The following NCOA2 variants were observed in gnomAD, a reference collection of about 807,000 sequenced individuals.
NCOA2 encodes the protein nuclear receptor coactivator 2.
Under a neutral mutation model 145.1 loss-of-function variants are expected in NCOA2, and 21 were observed. That is an observed-to-expected ratio of 0.14 (90% CI 0.10 to 0.21). The LOEUF is 0.21. Ranked by LOEUF, NCOA2 falls within the 10% of genes least tolerant of loss-of-function variation. NCOA2 has a pLI of 1.00. For synonymous variants in NCOA2, 619 were observed against 637.5 expected, an observed-to-expected ratio of 0.97 and a Z score of 0.44; for missense variants, 1,472 against 1,837.6, an observed-to-expected ratio of 0.80 and a Z score of 3.64.
intron 22 of NCOA2, among the ~76,000 whole-genome samples, chr8:70,117,276 T>C (rs1450778738): frequency 6.6e-6 from 1 of 152,218 alleles, no homozygotes; most frequent in Non-Finnish European, 1.5e-5. Context: ...GTCTTCAGAC[T>C]AGCTGGTAGC....
Position 70,156,483 on chromosome 8 carries a change from C to T in NCOA2, c.1882G>A (p.Gly628Arg), listed in dbSNP as rs201963563. The change falls in exon 11 of 23, where the codon GGG becomes AGG. Residue 628 changes from glycine (G) to arginine (R), a missense_variant. Transcript: ENST00000452400. ...TTGCTGTCATGCAGTCTGCTCTGCCCGTCAGCTCTCTCACTGCTCACGGCC... is the reference window on the plus strand; with the variant it reads ...TTGCTGTCATGCAGTCTGCTCTGCCTGTCAGCTCTCTCACTGCTCACGGCC... ...PPAVSSERADGQSRLHDSKGQ... is the reference protein window; with the variant it reads ...PPAVSSERADRQSRLHDSKGQ... 8.8e-4 allele frequency: 1,415 copies of T among 1,613,754 alleles called. 1 individual carries two copies. The highest frequency in any genetic ancestry group is 9.9e-4 in the Non-Finnish European group (1,164 of 1,179,878).
At chr8:70,385,973 T>G (rs991630375) in intron 1 of NCOA2, among the ~76,000 whole-genome samples, 9 of 152,238 alleles carry the variant, frequency 5.9e-5, no homozygotes, top group African/African-American at 1.9e-4. Context: ...TTTCTTCTCT[T>G]TCTGCTATTG....
intron 4 of NCOA2, among the ~76,000 whole-genome samples, chr8:70,204,050 C>T (rs2133626666): frequency 6.6e-6 from 1 of 151,960 alleles, no homozygotes; most frequent in East Asian, 1.9e-4. Flanking sequence ...CTCGCTCTAT[C>T]ACCCATGAGT....
At chr8:70,443,686 C>T in the NCOA2 span, among the ~76,000 whole-genome samples, 2 of 152,024 alleles carry the variant, frequency 1.3e-5, no homozygotes, top group African/African-American at 2.4e-5. Context: ...CCACCTTAGC[C>T]TCCTGAGTAG....
chr8:70,287,807 C>G (rs1826346977), intron 2 of NCOA2, among the ~76,000 whole-genome samples: 1 of 152,190 alleles, frequency 6.6e-6, no homozygotes, highest in African/African-American at 2.4e-5. Flanking sequence ...CAGACCCTCA[C>G]TGTAGAGAAA....
chr8:70,281,083 G>C (rs955435933), intron 2 of NCOA2, among the ~76,000 whole-genome samples: 1 of 152,054 alleles, frequency 6.6e-6, no homozygotes, highest in Non-Finnish European at 1.5e-5. Context: ...GCTGGGCATG[G>C]TGGCTCATGC....
intron 1 of NCOA2, among the ~76,000 whole-genome samples, chr8:70,330,579 A>C (rs969133059): frequency 1.3e-5 from 2 of 151,762 alleles, no homozygotes; most frequent in South Asian, 2.1e-4. Flanking sequence ...AAAAAAAAAA[A>C]AAACCCCAAA....
chr8:70,317,486 G>A (rs1050027840), intron 1 of NCOA2, among the ~76,000 whole-genome samples: 1 of 152,166 alleles, frequency 6.6e-6, no homozygotes, highest in Non-Finnish European at 1.5e-5. Flanking sequence ...AGATTTGAGA[G>A]ATCCAATATT....
chr8:70,276,637 C>T (rs1343640275), intron 2 of NCOA2, among the ~76,000 whole-genome samples: 1 of 152,194 alleles, frequency 6.6e-6, no homozygotes, highest in African/African-American at 2.4e-5. Context: ...CTCTCGCCTG[C>T]TGCCTTGTGA....
chr8:70,254,500 G>A lies in NCOA2; in HGVS notation c.-19-37736C>T, dbSNP rs544003744. On this transcript the variant is annotated intron_variant, in intron 2 of 22. Transcript: ENST00000452400. ...ATTGACAGACGAATAAACAAAATGT[G>A]GTACACAATACAGTATTATTCAGCC... is the stretch of plus-strand genomic sequence containing the variant. Among the ~76,000 whole-genome samples the A allele has an allele frequency of 1.1e-4, 17 of 152,148 alleles. No homozygotes were observed. In the South Asian group the frequency reaches 3.5e-3, roughly 32 times the overall value.
At position 70,123,922 on chromosome 8, in the gene NCOA2, C is replaced by T. The variant is rs760325706; in HGVS notation, c.4255G>A (p.Val1419Met). 1.2e-5 allele frequency: 19 copies of T among 1,613,690 alleles called. No homozygotes were observed. The highest frequency in any genetic ancestry group is 4.0e-5 in the African/African-American group (3 of 74,928). Reference protein sequence around the residue: ...GQISMTSVTSVPTSGLSSMGP... With the variant: ...GQISMTSVTSMPTSGLSSMGP... ...ATGGAGGACAGCCCTGACGTAGGCACGGAGGTCACTGAGGTCATGCTGATC... is the reference window on the plus strand; with the variant it reads ...ATGGAGGACAGCCCTGACGTAGGCATGGAGGTCACTGAGGTCATGCTGATC... The change falls in exon 21 of 23, where the codon GTG becomes ATG. Residue 1419 changes from valine (V) to methionine (M), a missense_variant. Val to Met is a conservative substitution (Grantham distance 21, BLOSUM62 1). Around this residue, in one of 4 missense-constraint regions of NCOA2, gnomAD observed 232 missense variants for 290.6 expected, o/e 0.80. Coordinates refer to ENST00000452400, the MANE Select transcript of NCOA2 (RefSeq NM_006540.4).
chr8:70,197,279 C>A, intron 4 of NCOA2, among the ~76,000 whole-genome samples: 1 of 152,150 alleles, frequency 6.6e-6, no homozygotes, highest in East Asian at 1.9e-4. Flanking sequence ...TCTACATCAA[C>A]CTATCAATCA....
chr8:70,191,608 AGGAGGAAGAGAGAG>A (rs570392633), intron 4 of NCOA2, among the ~76,000 whole-genome samples: 51 of 152,280 alleles, frequency 3.3e-4, no homozygotes, highest in Admixed American at 4.6e-4. Context: ...CTCTAAGAAA[AGGAGGAAGAGAGAG>A]GGAGGAAGAG....
intron 2 of NCOA2, among the ~76,000 whole-genome samples, chr8:70,272,179 C>T (rs1369437047): frequency 6.6e-6 from 1 of 152,208 alleles, no homozygotes; most frequent in Non-Finnish European, 1.5e-5. Flanking sequence ...CTTGAAACAT[C>T]AAGGTTTTTC....
intron 6 of NCOA2, among the ~76,000 whole-genome samples, chr8:70,169,717 C>A (rs980663143): frequency 6.6e-6 from 1 of 152,114 alleles, no homozygotes; most frequent in Non-Finnish European, 1.5e-5. Context: ...CAAAACACCT[C>A]ATGTACCCCA....
At chr8:70,394,089 T>C (rs771946441) in intron 1 of NCOA2, among the ~76,000 whole-genome samples, 1 of 152,258 alleles carries the variant, frequency 6.6e-6, no homozygotes, top group Non-Finnish European at 1.5e-5. Context: ...TCCCATTTCC[T>C]TCACTAGGTT....
At chr8:70,115,795 T>C (rs918241118) in intron 22 of NCOA2, among the ~76,000 whole-genome samples, 2 of 152,190 alleles carry the variant, frequency 1.3e-5, no homozygotes, top group Middle Eastern at 3.2e-3. Context: ...TCTCTAAATA[T>C]ATATTTTTGG....
intron 16 of NCOA2, 136 bp from the exon 17 acceptor site, chr8:70,129,116 T>A: frequency 5.8e-6 from 5 of 863,018 alleles, no homozygotes; most frequent in Non-Finnish European, 8.7e-6. Context: ...TACACAAAGG[T>A]ACCTTTAGAG....
intron 1 of NCOA2, among the ~76,000 whole-genome samples, chr8:70,353,312 C>T (rs1809406576): frequency 6.6e-6 from 1 of 150,678 alleles, no homozygotes; most frequent in Non-Finnish European, 1.5e-5. Context: ...TGCAGTGGCA[C>T]AATCACAGCT....
Sources: allele counts gnomAD v4.1 joint callset (sites outside exome capture counted in the v4.1 genomes callset), GRCh38; gene constraint gnomAD v4.1.1; regional missense constraint gnomAD v4.1.1; transcripts MANE v1.5; gene names NCBI Gene and HGNC (gene_info 2026-07-23, HGNC 2026-07-21).